CYP2B6: variants seen among roughly 807,000 people sequenced by gnomAD.
The protein encoded by CYP2B6 is cytochrome P450 family 2 subfamily B member 6.
Under a neutral mutation model 43.4 loss-of-function variants are expected in CYP2B6, and 35 were observed. That is an observed-to-expected ratio of 0.81 (90% CI 0.62 to 1.07). The LOEUF is 1.07. CYP2B6 is among the 50% of genes least tolerant of loss of function. The probability of loss-of-function intolerance (pLI) is 0.00; values close to 1 mark genes in which losing one functional copy is unlikely to be tolerated. For synonymous variants in CYP2B6, 239 were observed against 239.2 expected, an observed-to-expected ratio of 1.00 and a Z score of 0.01; for missense variants, 624 against 632.8, an observed-to-expected ratio of 0.99 and a Z score of 0.15.
chr19:41,004,598 G>T (rs896917373), intron 3 of CYP2B6, 152 bp downstream of exon 3: 3 of 911,044 alleles, frequency 3.3e-6, no homozygotes, highest in Non-Finnish European at 5.2e-6. Flanking sequence ...AGACAGAGAG[G>T]GAGAGAGACA....
Position 41,004,222 on chromosome 19 carries a change from A to G in CYP2B6, c.334+59A>G, listed in dbSNP as rs2279342. ...TGGGGGGTGCATCAGGGAAGGGAGT[A>G]TATGGGAGGAAGAAGGACTCAGAGC... is the stretch of plus-strand genomic sequence containing the variant. On this transcript the variant is annotated intron_variant, in intron 2 of 8. Coordinates refer to ENST00000324071, the MANE Select transcript of CYP2B6 (RefSeq NM_000767.5). 1.2e-5 allele frequency: 20 copies of G among 1,610,084 alleles called. No individual in the cohort carries two copies. The South Asian group carries it at 1.3e-4, about 11-fold the overall frequency.
At chr19:41,007,242 A>G (rs1430772094) in intron 4 of CYP2B6, 177 bp downstream of exon 4, 2 of 648,210 alleles carry the variant, frequency 3.1e-6, no homozygotes, top group Non-Finnish European at 5.5e-6. Context: ...TGAGACAGGG[A>G]TAGAGACACT....
At chr19:40,993,177 G>C (rs1162758883) in intron 1 of CYP2B6, among the ~76,000 whole-genome samples, 2 of 152,064 alleles carry the variant, frequency 1.3e-5, no homozygotes, top group Non-Finnish European at 2.9e-5. Context: ...TTTGTAGTTG[G>C]CCTGGTAACA....
At chr19:41,012,650 T>A in intron 7 of CYP2B6, 24 bp from the exon 8 acceptor site, 1 of 1,613,690 alleles carries the variant, frequency 6.2e-7, no homozygotes, top group Non-Finnish European at 8.5e-7. Context: ...GGCAATATCT[T>A]TTGATCTTGT....
In CYP2B6 at chr19:41,017,126, T is replaced by C. The variant is rs1334931858; in HGVS notation, c.*299T>C. 5.6e-5 allele frequency: 11 copies of C among 196,468 alleles called. No individual in the cohort carries two copies. The highest frequency in any genetic ancestry group is 2.3e-4 in the African/African-American group (10 of 42,680). 12.2% of individuals were successfully genotyped at this position (196,468 alleles called of 1,614,324 possible). On this transcript the variant is annotated 3_prime_UTR_variant, in exon 9 of 9. Coordinates refer to ENST00000324071, the MANE Select transcript of CYP2B6 (RefSeq NM_000767.5). ...GGCGTGATCTCGGCTCACTGCAACC[T>C]CCACCCCCGGGGATCAAGCAACTCT...
At chr19:40,997,589 T>A (rs1218411920) in intron 1 of CYP2B6, among the ~76,000 whole-genome samples, 1 of 152,220 alleles carries the variant, frequency 6.6e-6, no homozygotes, top group East Asian at 1.9e-4. Flanking sequence ...ATGATGAATG[T>A]GATAATTGTC....
rs377238819 is a variant in CYP2B6 at position 41,016,877 on chromosome 19, C to T, written c.*50C>T. On this transcript the variant is annotated 3_prime_UTR_variant, in exon 9 of 9. Transcript: ENST00000324071. ...GGATTCCAGGGTCATTCAGTGTCCC[C>T]GCCTCTGTAGACAATGGCTCTGACT... 324 of 1,583,714 alleles carry T rather than the reference C, an allele frequency of 2.0e-4. No individual in the cohort carries two copies. The highest frequency in any genetic ancestry group is 1.4e-3 in the Admixed American group (83 of 57,460).
chr19:40,994,968 T>A (rs1423290838), intron 1 of CYP2B6, among the ~76,000 whole-genome samples: 3 of 152,102 alleles, frequency 2.0e-5, no homozygotes, highest in East Asian at 3.8e-4. Context: ...GAAGAGGCAT[T>A]GGCACCAGTG....
intron 3 of CYP2B6, among the ~76,000 whole-genome samples, chr19:41,006,217 A>C (rs1969182128): frequency 6.6e-6 from 1 of 152,012 alleles, no homozygotes; most frequent in African/African-American, 2.4e-5. Context: ...CAGTGGCACG[A>C]TCATAGCTCA....
chr19:41,006,857 T>A (rs367886616), intron 3 of CYP2B6, 48 bp from the exon 4 acceptor site: 10 of 1,576,642 alleles, frequency 6.3e-6, no homozygotes, highest in Non-Finnish European at 8.7e-6. Flanking sequence ...CAGCCTGATG[T>A]TCCCCAGGCA....
At chr19:41,001,047 AC>A (rs112439992) in intron 1 of CYP2B6, among the ~76,000 whole-genome samples, 2 of 151,954 alleles carry the variant, frequency 1.3e-5, no homozygotes, top group Non-Finnish European at 2.9e-5. Context: ...CTCAAAAAAA[AC>A]CCAAACAGAA....
intron 4 of CYP2B6, among the ~76,000 whole-genome samples, chr19:41,007,880 A>C (rs1273895372): frequency 6.6e-6 from 1 of 151,690 alleles, no homozygotes; most frequent in East Asian, 1.9e-4. Flanking sequence ...CCCGCCTCAG[A>C]CTCCTAAAGT....
intron 1 of CYP2B6, among the ~76,000 whole-genome samples, chr19:40,999,113 C>T (rs1021637519): frequency 6.0e-5 from 9 of 151,182 alleles, no homozygotes; most frequent in Non-Finnish European, 1.2e-4. Flanking sequence ...TAATGATTGC[C>T]ATTCTAACTG....
chr19:40,994,640 A>C (rs1466446297), intron 1 of CYP2B6, among the ~76,000 whole-genome samples: 1 of 151,978 alleles, frequency 6.6e-6, no homozygotes, highest in African/African-American at 2.4e-5. Flanking sequence ...TTACATATTT[A>C]ATCCAGTAAC....
chr19:40,994,617 A>T (rs1968972982), intron 1 of CYP2B6, among the ~76,000 whole-genome samples: 2 of 152,054 alleles, frequency 1.3e-5, no homozygotes, highest in Non-Finnish European at 2.9e-5. Flanking sequence ...ATGAGCCACC[A>T]TGCCTGGCCA....
chr19:41,017,857 T>C lies in CYP2B6; in HGVS notation c.*1030T>C, dbSNP rs1226007280. 4 of 16,466 alleles carry C rather than the reference T, an allele frequency of 2.4e-4. No homozygotes were observed. Among genetic ancestry groups the C allele is most frequent in the Admixed American group, 1.3e-3 (1 of 794 alleles). 1.0% of individuals were successfully genotyped at this position (16,466 alleles called of 1,614,324 possible). ...TAAACAGAATCATACAATATTTGAT[T>C]TTTTTTTTTTTTTTGAAACTAAGCC... On this transcript the variant is annotated 3_prime_UTR_variant, in exon 9 of 9. Transcript: ENST00000324071.
At chr19:40,991,697 T>A (rs1468877037) in intron 1 of CYP2B6, among the ~76,000 whole-genome samples, 2 of 152,022 alleles carry the variant, frequency 1.3e-5, no homozygotes, top group Admixed American at 1.3e-4. Context: ...GACTCATGAG[T>A]TGGACAGCTC....
chr19:40,996,717 T>A (rs1374403598), intron 1 of CYP2B6, among the ~76,000 whole-genome samples: 2 of 152,150 alleles, frequency 1.3e-5, no homozygotes, highest in African/African-American at 2.4e-5. Flanking sequence ...GTAATGGAAA[T>A]TTTAAGAACT....
intron 8 of CYP2B6, among the ~76,000 whole-genome samples, chr19:41,016,221 C>A (rs1213332615): frequency 1.3e-5 from 2 of 151,738 alleles, no homozygotes; most frequent in African/African-American, 4.8e-5. Context: ...TATGATGATA[C>A]CCCATGTCTA....
Sources: allele counts gnomAD v4.1 joint callset (sites outside exome capture counted in the v4.1 genomes callset), GRCh38; gene constraint gnomAD v4.1.1; transcripts MANE v1.5; gene names NCBI Gene and HGNC (gene_info 2026-07-23, HGNC 2026-07-21).